ERCC2: variants seen among roughly 807,000 people sequenced by gnomAD.
The protein encoded by ERCC2 is ERCC excision repair 2, TFIIH core complex helicase subunit, also known as general transcription and DNA repair factor IIH helicase subunit XPD.
Under a neutral mutation model 99.4 loss-of-function variants are expected in ERCC2, and 90 were observed. That is an observed-to-expected ratio of 0.91 (90% confidence interval 0.76 to 1.08). The LOEUF is 1.08. Ranked by LOEUF, ERCC2 falls within the 50% of genes least tolerant of loss-of-function variation. ERCC2 has a pLI of 0.00. For missense variants in ERCC2, 993 were observed against 1,038.1 expected (o/e 0.96, Z 0.60); for synonymous variants, 497 against 432.4 (o/e 1.15, Z -1.85).
In ERCC2 at chr19:45,357,625, C is replaced by A; in HGVS notation, c.1307+5G>T. On this transcript the variant is annotated splice_donor_5th_base_variant and intron_variant, in intron 13 of 22. Coordinates refer to ENST00000391945, the MANE Select transcript of ERCC2 (RefSeq NM_000400.4). ...CATTCACACCCTCACCGGGCAGGGTCCCACCTGAAGTGCAGGATGGGGTTG... is the reference window on the plus strand; with the variant it reads ...CATTCACACCCTCACCGGGCAGGGTACCACCTGAAGTGCAGGATGGGGTTG... 2 of 1,614,082 alleles carry A rather than the reference C, an allele frequency of 1.2e-6. No homozygotes were observed. The highest frequency in any genetic ancestry group is 1.7e-6 in the Non-Finnish European group (2 of 1,179,976).
rs1247477803 is a variant in ERCC2 at position 45,358,280 on chromosome 19, A to C, written c.1238-581T>G. 8 of 186,020 alleles carry C rather than the reference A, an allele frequency of 4.3e-5. No homozygotes were observed. The South Asian group carries it at 8.9e-4, about 21-fold the overall frequency. 11.5% of individuals were successfully genotyped at this position (186,020 alleles called of 1,614,324 possible). On this transcript the variant is annotated intron_variant, in intron 12 of 22. Transcript: ENST00000391945. ...AGTGGTCCACCCGCCTCAGGCTCCC[A>C]AAGTGCCAGGATTACAAGTATGAGC... is the stretch of plus-strand genomic sequence containing the variant.
At position 45,357,263 on chromosome 19, in the gene ERCC2, C is replaced by A; in HGVS notation, c.1479+7G>T. 1 of 1,608,864 alleles carries A rather than the reference C, an allele frequency of 6.2e-7. No homozygotes were observed. The highest frequency in any genetic ancestry group is 8.5e-7 in the Non-Finnish European group (1 of 1,175,760). On this transcript the variant is annotated splice_region_variant and intron_variant, in intron 15 of 22. Transcript: ENST00000391945. The stretch of plus-strand genomic sequence containing the variant: ...TCCCGGCCCCAGCCCTAGCCTCTCC[C>A]ACTCACCATAGGGCAGAGGCAGACC...
Position 45,364,043 on chromosome 19 carries a change from C to A in ERCC2, c.892G>T (p.Ala298Ser), listed in dbSNP as rs1269826858. Residue 298 changes from alanine to serine, a missense_variant, in exon 10 of 23, where the codon GCC becomes TCC. Ala to Ser is a moderately conservative substitution (Grantham distance 99, BLOSUM62 1). Coordinates refer to ENST00000391945, the MANE Select transcript of ERCC2 (RefSeq NM_000400.4). ...GCCAGGTGGGCGTCCGTCTCCCGGG[C>A]GGCGCTGGCCTCCCGCAGCCCCTCC... is the stretch of plus-strand genomic sequence containing the variant. ...LVEGLREASA[A>S]RETDAHLANP... 8 of 1,564,730 alleles carry A rather than the reference C, an allele frequency of 5.1e-6. No homozygotes were observed. Among genetic ancestry groups the A allele is most frequent in the Non-Finnish European group, 6.9e-6 (8 of 1,155,712 alleles).
chr19:45,353,301 G>C lies in ERCC2; in HGVS notation c.1699C>G (p.Leu567Val). The stretch of plus-strand genomic sequence containing the variant: ...GCACCATCCTGGGTCTCAATAAAGA[G>C]CAGCTTGTTCCTCTGGATGTTCTCA... ...ILENIQRNKL[L>V]FIETQDGAET... The change falls in exon 18 of 23, where the codon CTC (leucine) becomes GTC (valine). Residue 567 changes from leucine (L) to valine (V), a missense_variant. Around this residue, in one of 3 missense-constraint regions of ERCC2, gnomAD observed 909 missense variants for 930.8 expected, o/e 0.98. Transcript: ENST00000391945. 3.1e-6 allele frequency: 5 copies of C among 1,614,062 alleles called. No individual in the cohort carries two copies. The highest frequency in any genetic ancestry group is 4.2e-6 in the Non-Finnish European group (5 of 1,179,968).
chr19:45,363,958 T>TGG lies in ERCC2; in HGVS notation c.949+26_949+27dup, dbSNP rs766117419. The stretch of plus-strand genomic sequence containing the variant: ...GGCGACGGGGAGGCGGGAAAGGGAC[T>TGG]GGGGGGCAGCGGGGGGTCGGGGCTC... On this transcript the variant is annotated intron_variant, in intron 10 of 22. Transcript: ENST00000391945. 4,056 of 1,531,948 alleles carry TGG rather than the reference T, an allele frequency of 2.6e-3. 6 individuals are homozygous for TGG. The highest frequency in any genetic ancestry group is 3.2e-3 in the Non-Finnish European group (3,687 of 1,142,002). The allele number at this position is 1,531,948 out of a possible 1,614,324, so 94.9% of individuals were successfully genotyped here.
chr19:45,357,809 A>G, intron 12 of ERCC2, 110 bp from the exon 13 acceptor site: 2 of 990,336 alleles, frequency 2.0e-6, no homozygotes, highest in Non-Finnish European at 3.1e-6. Flanking sequence ...TCCACCCCGT[A>G]CTGCCTGGGA....
chr19:45,364,974 G>T lies in ERCC2; in HGVS notation c.478-20C>A. ...AAATTCCTGGGACAAGAGTGCCAGG[G>T]GTCAGGGAGGCTGCCTGCCCCAGGC... is the stretch of plus-strand genomic sequence containing the variant. On this transcript the variant is annotated intron_variant, in intron 6 of 22. Transcript: ENST00000391945. 1 of 1,610,326 alleles carries T rather than the reference G, an allele frequency of 6.2e-7. No homozygotes were observed. Among genetic ancestry groups the T allele is most frequent in the Non-Finnish European group, 8.5e-7 (1 of 1,176,636 alleles).
chr19:45,350,505 TCCCCCTAGGTG>T lies in ERCC2; in HGVS notation c.*1113_*1123del, dbSNP rs1568527339. On this transcript the variant is annotated 3_prime_UTR_variant, in exon 23 of 23. Coordinates refer to ENST00000391945, the MANE Select transcript of ERCC2 (RefSeq NM_000400.4). ...TCCCCATCTCAGTGTCCCCCATCTT[TCCCCCTAGGTG>T]CCCCCAACACAGGCACAGCTGGTGA... 2.5e-6 allele frequency: 4 copies of T among 1,612,534 alleles called. No homozygotes were observed. The highest frequency in any genetic ancestry group is 2.2e-5 in the East Asian group (1 of 44,826).
Position 45,350,918 on chromosome 19 carries a change from G to C in ERCC2, c.*711C>G, listed in dbSNP as rs769815486. On this transcript the variant is annotated 3_prime_UTR_variant, in exon 23 of 23. Transcript: ENST00000391945. ...CCCTCGTGGAGGGGGGCCACTCCTG[G>C]ATTCACTCATTTCCTCCCTGCTGCC... The C allele has an allele frequency of 4.4e-6, 7 of 1,608,186 alleles. No individual in the cohort carries two copies. The Middle Eastern group carries it at 1.2e-3, about 265-fold the overall frequency.
In ERCC2 at chr19:45,364,057, C is replaced by T. The variant is rs1363432651; in HGVS notation, c.878G>A (p.Arg293Gln). Residue 293 changes from arginine (R) to glutamine (Q), a missense_variant, in exon 10 of 23, where the codon CGG becomes CAG. Transcript: ENST00000391945. ...DEYRRLVEGL[R>Q]EASAARETDA... The stretch of plus-strand genomic sequence containing the variant: ...CGTCTCCCGGGCGGCGCTGGCCTCC[C>T]GCAGCCCCTCCACCAGACGCCGGTA... 1.3e-6 allele frequency: 2 copies of T among 1,576,110 alleles called. No homozygotes were observed. Among genetic ancestry groups the T allele is most frequent in the Non-Finnish European group, 1.7e-6 (2 of 1,161,848 alleles).
At chr19:45,352,169 T>C in intron 22 of ERCC2, 40 bp downstream of exon 22, 1 of 1,609,518 alleles carries the variant, frequency 6.2e-7, no homozygotes, top group Non-Finnish European at 8.5e-7. Flanking sequence ...GAGGAGAAGC[T>C]CAGCCTGGGA....
chr19:45,353,517 G>A (rs1310041022), intron 17 of ERCC2, among the ~76,000 whole-genome samples, 183 bp from the exon 18 acceptor site: 1 of 152,160 alleles, frequency 6.6e-6, no homozygotes, highest in Non-Finnish European at 1.5e-5. Context: ...TCTGGGTGGG[G>A]AACCAATCAT....
rs55674245 is a variant in ERCC2, at chr19:45,351,808, T to G, written c.2191-87A>C. 7.5e-5 allele frequency: 86 copies of G among 1,153,876 alleles called. No individual in the cohort carries two copies. In the East Asian group the frequency reaches 2.0e-3, roughly 27 times the overall value. The allele number at this position is 1,153,876 out of a possible 1,614,324, so 71.5% of individuals were successfully genotyped here. On this transcript the variant is annotated intron_variant, in intron 22 of 22. Transcript: ENST00000391945. ...GCACTTCCCCAACCACCCCCCCGAA[T>G]GGCCAGTAGGGACAGGATGTTTGAA...
In ERCC2 at chr19:45,352,281, G is replaced by C; in HGVS notation, c.2118C>G (p.Leu706=). Residue 706 remains leucine (L), a synonymous_variant, in exon 22 of 23, where the codon CTC becomes CTG. Coordinates refer to ENST00000391945, the MANE Select transcript of ERCC2 (RefSeq NM_000400.4). ...WIQEHLTDAN[L]NLTVDEGVQV... ...GGACACCCTCGTCCACGGTCAGGTT[G>C]AGGTTGGCATCTGTGAGGTGCTCCT... 1 of 1,614,132 alleles carries C rather than the reference G, an allele frequency of 6.2e-7. No individual in the cohort carries two copies. The highest frequency in any genetic ancestry group is 8.5e-7 in the Non-Finnish European group (1 of 1,180,000).
chr19:45,369,233 GC>G, intron 2 of ERCC2, 86 bp from the exon 3 acceptor site: 1 of 1,030,544 alleles, frequency 9.7e-7, no homozygotes, highest in Non-Finnish European at 1.5e-6. Flanking sequence ...GACCCCCAAT[GC>G]CACCAACTCA....
At position 45,350,748 on chromosome 19, in the gene ERCC2, G is replaced by C. The variant is rs1405133210; in HGVS notation, c.*881C>G. On this transcript the variant is annotated 3_prime_UTR_variant, in exon 23 of 23. Transcript: ENST00000391945. The stretch of plus-strand genomic sequence containing the variant: ...GCGAGGCGGCGGCAGGAGCAGCCGG[G>C]TGAGTGTTGATCAGGTCGGCAAAGA... 5.6e-6 allele frequency: 9 copies of C among 1,608,966 alleles called. No individual in the cohort carries two copies. In the Admixed American group the frequency reaches 1.2e-4, roughly 21 times the overall value.
intron 12 of ERCC2, among the ~76,000 whole-genome samples, chr19:45,359,715 T>C (rs1297475035): frequency 6.7e-6 from 1 of 150,320 alleles, no homozygotes; most frequent in African/African-American, 2.4e-5. Flanking sequence ...CCAAGGCCCC[T>C]CCCCTCCTGC....
rs1406240724 is a variant in ERCC2 at position 45,365,149 on chromosome 19, G to A, written c.370C>T (p.Leu124=). The change falls in exon 6 of 23, where the codon CTG becomes TTG. Residue 124 remains leucine, a synonymous_variant. Transcript: ENST00000391945. ...CCATCGACGTCCTTCCCAAAGCGCA[G>A]GGGTGTCACCTGGGGGTGTGGGGCA... The part of the protein sequence containing the change: ...NLCIHPEVTP[L]RFGKDVDGKC... 1.9e-6 allele frequency: 3 copies of A among 1,614,070 alleles called. No individual in the cohort carries two copies. Among genetic ancestry groups the A allele is most frequent in the African/African-American group, 1.3e-5 (1 of 75,060 alleles).
chr19:45,350,719 C>T lies in ERCC2; in HGVS notation c.*910G>A, dbSNP rs551647275. 106 of 1,613,016 alleles carry T rather than the reference C, an allele frequency of 6.6e-5. 1 individual carries two copies. The Middle Eastern group carries it at 8.3e-4, about 13-fold the overall frequency. On this transcript the variant is annotated 3_prime_UTR_variant, in exon 23 of 23. Transcript: ENST00000391945. ...AAGTGAGAAGCTGGTCTCCCGGCTC[C>T]GAGGCGAGGCGGCGGCAGGAGCAGC...
Sources: allele counts gnomAD v4.1 joint callset (sites outside exome capture counted in the v4.1 genomes callset), GRCh38; gene constraint gnomAD v4.1.1; regional missense constraint gnomAD v4.1.1; transcripts MANE v1.5; gene names NCBI Gene and HGNC (gene_info 2026-07-23, HGNC 2026-07-21).